Variants in NPR3 observed in about 807,000 individuals in gnomAD.
The protein encoded by NPR3 is atrial natriuretic peptide receptor 3.
NPR3 carries 34 observed loss-of-function variants against 54.5 expected under a neutral mutation model. The observed-to-expected ratio is 0.62, with a 90% CI of 0.47 to 0.83. NPR3 has a LOEUF of 0.83. Ranked by LOEUF, NPR3 falls within the 40% of genes least tolerant of loss-of-function variation. The pLI is 0.00. For missense variants in NPR3, 674 were observed against 720.8 expected, an observed-to-expected ratio of 0.94 and a Z score of 0.74; for synonymous variants, 289 against 297.1, an observed-to-expected ratio of 0.97 and a Z score of 0.28.
chr5:32,750,399 G>A (rs771627074), intron 3 of NPR3, among the ~76,000 whole-genome samples: 1 of 152,192 alleles, frequency 6.6e-6, no homozygotes, highest in Non-Finnish European at 1.5e-5. Flanking sequence ...GCCTTCCAAA[G>A]TGCTGGGATT....
chr5:32,716,442 C>T (rs1197090213), intron 1 of NPR3: 1 of 455,202 alleles, frequency 2.2e-6, no homozygotes, highest in East Asian at 7.0e-5. Context: ...GATCATTCTA[C>T]TGCCTGTTAA....
Position 32,738,954 on chromosome 5 carries a change from T to C in NPR3, c.983T>C (p.Val328Ala). The change falls in exon 3 of 8, where the codon GTG becomes GCG. Residue 328 changes from valine (V) to alanine (A), a missense_variant. Coordinates refer to ENST00000265074, the MANE Select transcript of NPR3 (RefSeq NM_001204375.2). ...SLQTVTLLRT[V>A]KPEFEKFSME... is the part of the protein sequence containing the mutation. ...CAGACAGTCACTCTACTGAGGACAG[T>C]GAAACCTGAGTTTGAGAAGTTTTCC... 4 of 1,613,982 alleles carry C rather than the reference T, an allele frequency of 2.5e-6. No homozygotes were observed. The highest frequency in any genetic ancestry group is 3.4e-6 in the Non-Finnish European group (4 of 1,179,858).
In NPR3 at chr5:32,789,948, C is replaced by T. The variant is rs1294675924; in HGVS notation, c.*3603C>T. On this transcript the variant is annotated 3_prime_UTR_variant, in exon 8 of 8. Transcript: ENST00000265074. ...TACCTGTGTTTCTTGGGACACAAAG[C>T]ACTCAGATCCTGAGTGGATGCAGAC... 8.7e-6 allele frequency: 3 copies of T among 345,602 alleles called. No homozygotes were observed. Among genetic ancestry groups the T allele is most frequent in the Non-Finnish European group, 1.8e-5 (3 of 167,902 alleles). The allele number at this position is 345,602 out of a possible 1,614,324, so 21.4% of individuals were successfully genotyped here.
At chr5:32,772,670 AAGCAGGATCTCT>A (rs1343976858) in intron 3 of NPR3, among the ~76,000 whole-genome samples, 1 of 152,236 alleles carries the variant, frequency 6.6e-6, no homozygotes, top group Non-Finnish European at 1.5e-5. Context: ...ATTTGAAACT[AAGCAGGATCTCT>A]AGGTTAATAA....
intron 3 of NPR3, among the ~76,000 whole-genome samples, chr5:32,743,372 GT>G (rs1448907490): frequency 6.6e-6 from 1 of 151,790 alleles, no homozygotes; most frequent in Non-Finnish European, 1.5e-5. Flanking sequence ...AGATTTCCCA[GT>G]TTTACCTATA....
At chr5:32,774,993 A>G in intron 4 of NPR3, 150 bp downstream of exon 4, 1 of 656,280 alleles carries the variant, frequency 1.5e-6, no homozygotes, top group East Asian at 2.6e-5. Flanking sequence ...TGTTGTACCA[A>G]TTAAATGAGA....
intron 3 of NPR3, among the ~76,000 whole-genome samples, chr5:32,750,279 C>T (rs1740509846): frequency 6.6e-6 from 1 of 152,174 alleles, no homozygotes; most frequent in Non-Finnish European, 1.5e-5. Context: ...CACGCGCCGG[C>T]TACCACGCAT....
chr5:32,702,916 A>G (rs1389672399), intron 1 of NPR3, among the ~76,000 whole-genome samples: 1 of 152,144 alleles, frequency 6.6e-6, no homozygotes, highest in African/African-American at 2.4e-5. Flanking sequence ...CATCCTCTCC[A>G]GCACCTGTTG....
At chr5:32,758,987 GT>G (rs1222313398) in intron 3 of NPR3, among the ~76,000 whole-genome samples, 2 of 152,148 alleles carry the variant, frequency 1.3e-5, no homozygotes, top group Non-Finnish European at 2.9e-5. Context: ...TATAATTTCT[GT>G]TCTTTTACAT....
chr5:32,705,374 T>G (rs1737960236), upstream of NPR3, among the ~76,000 whole-genome samples: 1 of 152,198 alleles, frequency 6.6e-6, no homozygotes, highest in South Asian at 2.1e-4. Context: ...TATAAAGAAA[T>G]ACCTGAGATT....
At chr5:32,727,543 A>G (rs932772976) in intron 2 of NPR3, among the ~76,000 whole-genome samples, 1 of 152,096 alleles carries the variant, frequency 6.6e-6, no homozygotes, top group Non-Finnish European at 1.5e-5. Context: ...ATTTTATTTA[A>G]TTGAATTTCT....
intron 3 of NPR3, among the ~76,000 whole-genome samples, chr5:32,753,644 T>A (rs1740689837): frequency 6.7e-6 from 1 of 149,710 alleles, no homozygotes; most frequent in Non-Finnish European, 1.5e-5. Flanking sequence ...TTTTTTTTTT[T>A]TTTTTTAACT....
At chr5:32,764,059 C>T (rs1360176953) in intron 3 of NPR3, among the ~76,000 whole-genome samples, 1 of 152,174 alleles carries the variant, frequency 6.6e-6, no homozygotes, top group Non-Finnish European at 1.5e-5. Context: ...TTTCCTCTAG[C>T]TTGGTGGGGT....
At chr5:32,746,401 A>G (rs751287934) in intron 3 of NPR3, among the ~76,000 whole-genome samples, 1 of 152,176 alleles carries the variant, frequency 6.6e-6, no homozygotes, top group Non-Finnish European at 1.5e-5. Context: ...GAATTAGACC[A>G]TGGCTTGTCA....
chr5:32,705,908 T>C (rs1292164535), upstream of NPR3, among the ~76,000 whole-genome samples: 1 of 152,244 alleles, frequency 6.6e-6, no homozygotes, highest in African/African-American at 2.4e-5. Context: ...GCCAGATTAG[T>C]TGAAGACAAA....
rs1395094927 is a variant in NPR3 at position 32,695,424 on chromosome 5, CCGCCCGGCTAAT to C, written c.100+6239_100+6250del. On this transcript the variant is annotated intron_variant, in intron 1 of 5. Coordinates refer to the NPR3 transcript ENST00000509104. Reference sequence around the variant, plus strand: ...GGACTACAGGTGCCCGCCACCACGCCCGCCCGGCTAATTTTTTGTACTTTTAGTAGAGACGGA... The same window carrying C: ...GGACTACAGGTGCCCGCCACCACGCCTTTTTGTACTTTTAGTAGAGACGGA... 3.9e-5 allele frequency among the ~76,000 whole-genome samples: 6 copies of C among 152,272 alleles called. No individual in the cohort carries two copies. In the East Asian group the frequency reaches 1.2e-3, roughly 29 times the overall value.
At chr5:32,763,274 C>T (rs577307423) in intron 3 of NPR3, among the ~76,000 whole-genome samples, 7 of 152,080 alleles carry the variant, frequency 4.6e-5, no homozygotes, top group Admixed American at 1.3e-4. Context: ...GTGATGCCTC[C>T]AGCTTTGTTC....
intron 4 of NPR3, among the ~76,000 whole-genome samples, chr5:32,776,568 C>T (rs1742058054): frequency 6.6e-6 from 1 of 152,148 alleles, no homozygotes; most frequent in Non-Finnish European, 1.5e-5. Flanking sequence ...TTCCTCTCAC[C>T]TCACCAACAC....
intron 1 of NPR3, among the ~76,000 whole-genome samples, chr5:32,692,469 A>G (rs1210938808): frequency 6.6e-6 from 1 of 152,238 alleles, no homozygotes; most frequent in Non-Finnish European, 1.5e-5. Flanking sequence ...GTTACCAACA[A>G]CTGAATAGGA....
Sources: allele counts gnomAD v4.1 joint callset (sites outside exome capture counted in the v4.1 genomes callset), GRCh38; gene constraint gnomAD v4.1.1; transcripts MANE v1.5; gene names NCBI Gene and HGNC (gene_info 2026-07-23, HGNC 2026-07-21).